Variants in ZNF280D observed in about 807,000 individuals in gnomAD.
ZNF280D encodes suppressor of hairy wing homolog 4.
A neutral mutation model predicts 94.7 loss-of-function variants in ZNF280D; 39 were observed. The observed-to-expected ratio is 0.41, with a 90% CI of 0.32 to 0.54. The LOEUF (loss-of-function observed/expected upper bound fraction) is 0.54, where lower values mean the gene tolerates loss of function less well. Among genes scored for constraint, ZNF280D ranks in the 20% least tolerant of loss-of-function variants. ZNF280D has a pLI of 0.22. For missense variants in ZNF280D, 1,090 were observed against 1,149.3 expected (o/e 0.95, Z 0.75); for synonymous variants, 398 against 377.6 (o/e 1.05, Z -0.63).
At chr15:56,660,352 T>C (rs1421230471) in intron 16 of ZNF280D, among the ~76,000 whole-genome samples, 1 of 152,182 alleles carries the variant, frequency 6.6e-6, no homozygotes, top group Non-Finnish European at 1.5e-5. Flanking sequence ...ATAGGGTCTT[T>C]TGATAGCCTC....
At chr15:56,695,066 TTGTGTGTG>T (rs10563061) in intron 6 of ZNF280D, among the ~76,000 whole-genome samples, 4 of 150,440 alleles carry the variant, frequency 2.7e-5, no homozygotes, top group Non-Finnish European at 5.9e-5. Context: ...TTCACTTCCT[TTGTGTGTG>T]TGTGTGTGTG....
At chr15:56,657,762 A>G (rs1359454027) in intron 17 of ZNF280D, among the ~76,000 whole-genome samples, 3 of 152,168 alleles carry the variant, frequency 2.0e-5, no homozygotes, top group African/African-American at 7.2e-5. Flanking sequence ...ACCCTCAAAC[A>G]CTGCTGGTGG....
At chr15:56,715,287 A>C (rs867547357) in intron 1 of ZNF280D, among the ~76,000 whole-genome samples, 30 of 152,258 alleles carry the variant, frequency 2.0e-4, no homozygotes, top group South Asian at 4.1e-4. Flanking sequence ...CTTTTTTTAA[A>C]AAATAAAACA....
At chr15:56,700,848 C>T (rs547410874) in intron 6 of ZNF280D, 85 bp downstream of exon 6, 5 of 1,608,288 alleles carry the variant, frequency 3.1e-6, no homozygotes, top group African/African-American at 1.3e-5. Flanking sequence ...TATGACAGTC[C>T]AGAATTGTAA....
intron 20 of ZNF280D, among the ~76,000 whole-genome samples, chr15:56,641,195 T>C (rs1191731213): frequency 1.3e-5 from 2 of 152,030 alleles, no homozygotes; most frequent in African/African-American, 4.8e-5. Context: ...TATCTCTTGC[T>C]CAAGTTTTAT....
At chr15:56,659,045 G>C (rs1240302937) in intron 16 of ZNF280D, among the ~76,000 whole-genome samples, 1 of 151,614 alleles carries the variant, frequency 6.6e-6, no homozygotes, top group African/African-American at 2.4e-5. Flanking sequence ...CTTAAGAGAT[G>C]GATCTCACTA....
Position 56,630,875 on chromosome 15 carries a change from A to T in ZNF280D, c.*623T>A, listed in dbSNP as rs1354496054. Reference sequence around the variant, plus strand: ...CAGGCTAACACTTGTATGGAGGTACAAAGATTCAAATATTCTGTTTACATG... The same window carrying T: ...CAGGCTAACACTTGTATGGAGGTACTAAGATTCAAATATTCTGTTTACATG... On this transcript the variant is annotated 3_prime_UTR_variant, in exon 22 of 22. Transcript: ENST00000267807. The T allele has an allele frequency of 6.6e-6, 1 of 152,284 alleles. No individual in the cohort carries two copies. The allele number at this position is 152,284 out of a possible 1,614,324, so 9.4% of individuals were successfully genotyped here.
At chr15:56,703,448 T>C (rs1252717899) in intron 4 of ZNF280D, among the ~76,000 whole-genome samples, 1 of 152,158 alleles carries the variant, frequency 6.6e-6, no homozygotes, top group African/African-American at 2.4e-5. Context: ...GAAGTCCCGT[T>C]TGAGACTAAC....
chr15:56,711,250 T>C (rs1486718357), intron 1 of ZNF280D, among the ~76,000 whole-genome samples: 1 of 152,230 alleles, frequency 6.6e-6, no homozygotes, highest in Non-Finnish European at 1.5e-5. Flanking sequence ...AATAGACTTA[T>C]GTCATTGGAT....
chr15:56,642,987 CT>C lies in ZNF280D; in HGVS notation c.2223del (p.Glu742LysfsTer62), dbSNP rs1158517703. On this transcript the variant is annotated frameshift_variant, in exon 20 of 22. Coordinates refer to ENST00000267807, the MANE Select transcript of ZNF280D (RefSeq NM_017661.4). LOFTEE classifies it high-confidence loss of function. Reference sequence around the variant, plus strand: ...GGTTCTTGTTCCTTTGCGGGAGCTTCTTTTTTTAATCTTGAAAACAAGATAA... The same window carrying C: ...GGTTCTTGTTCCTTTGCGGGAGCTTCTTTTTTAATCTTGAAAACAAGATAA... ...PTSEHLSELK[K>X]EAPAKEQEPV... 14 of 1,504,772 alleles carry C rather than the reference CT, an allele frequency of 9.3e-6. No homozygotes were observed. The East Asian group carries it at 1.0e-4, about 11-fold the overall frequency. The allele number at this position is 1,504,772 out of a possible 1,614,324, so 93.2% of individuals were successfully genotyped here.
At chr15:56,715,203 C>T (rs749312869) in intron 1 of ZNF280D, among the ~76,000 whole-genome samples, 1 of 152,034 alleles carries the variant, frequency 6.6e-6, no homozygotes. Flanking sequence ...TCACATTAGC[C>T]AGGGGTTAGG....
Position 56,666,414 on chromosome 15 carries a change from AG to A in ZNF280D, c.1974del (p.Tyr659MetfsTer2). 6.2e-7 allele frequency: 1 copy of A among 1,608,910 alleles called. No individual in the cohort carries two copies. Among genetic ancestry groups the A allele is most frequent in the South Asian group, 1.1e-5 (1 of 89,670 alleles). On this transcript the variant is annotated frameshift_variant, in exon 16 of 22. Transcript: ENST00000267807. LOFTEE classifies it high-confidence loss of function. ...FCRYNTSCSK[A>X]YVNHMMSFHS... Reference sequence around the variant, plus strand: ...TCTTACCTCATCATATGATTTACATAGGCTTTGCTACAGCTAGTGTTGTATC... The same window carrying A: ...TCTTACCTCATCATATGATTTACATAGCTTTGCTACAGCTAGTGTTGTATC...
chr15:56,701,513 T>C (rs1229707648), intron 4 of ZNF280D, among the ~76,000 whole-genome samples: 7 of 152,156 alleles, frequency 4.6e-5, no homozygotes. Context: ...CAAATCTGAC[T>C]ACAGGTGAGT....
intron 1 of ZNF280D, among the ~76,000 whole-genome samples, chr15:56,709,145 C>T (rs1184037036): frequency 1.3e-5 from 2 of 152,130 alleles, no homozygotes; most frequent in Admixed American, 6.5e-5. Flanking sequence ...CTACAAAGAA[C>T]TCAAACAAAT....
At chr15:56,694,078 C>A (rs1479251891) in intron 6 of ZNF280D, among the ~76,000 whole-genome samples, 1 of 151,922 alleles carries the variant, frequency 6.6e-6, no homozygotes, top group African/African-American at 2.4e-5. Flanking sequence ...GAAGTTTTAG[C>A]CCTTCCATCA....
chr15:56,699,278 T>G (rs2056921059), intron 6 of ZNF280D: 35 of 637,966 alleles, frequency 5.5e-5, no homozygotes, highest in South Asian at 7.1e-5. Context: ...TTAATAGAAA[T>G]GAGATTGGAA....
In ZNF280D at chr15:56,707,338, G is replaced by C. The variant is rs1395194265; in HGVS notation, c.-85-32C>G. ...AATAAAGATACCAACTATTAGGGTGGACTTCATTAAATTAGATGTATACAT... is the reference window on the plus strand; with the variant it reads ...AATAAAGATACCAACTATTAGGGTGCACTTCATTAAATTAGATGTATACAT... On this transcript the variant is annotated intron_variant, in intron 1 of 21. Transcript: ENST00000267807. 3 of 1,506,388 alleles carry C rather than the reference G, an allele frequency of 2.0e-6. No individual in the cohort carries two copies. In the East Asian group the frequency reaches 7.8e-5, roughly 39 times the overall value. 93.3% of individuals were successfully genotyped at this position (1,506,388 alleles called of 1,614,324 possible). A position where few individuals can be genotyped will look rare whatever the true frequency, so the allele number is the denominator to read the frequency against.
chr15:56,723,987 T>A (rs1168071751), intron 1 of ZNF280D, among the ~76,000 whole-genome samples: 1 of 152,198 alleles, frequency 6.6e-6, no homozygotes, highest in African/African-American at 2.4e-5. Flanking sequence ...CAGTATACTG[T>A]ATGTTATCAG....
At chr15:56,713,412 T>C (rs1255239530) in intron 1 of ZNF280D, among the ~76,000 whole-genome samples, 3 of 152,184 alleles carry the variant, frequency 2.0e-5, no homozygotes, top group South Asian at 2.1e-4. Flanking sequence ...CACTGGCTTA[T>C]TGGTTCAGTA....
Sources: gnomAD v4.1 joint callset for allele counts (sites outside exome capture counted in the v4.1 genomes callset) on GRCh38, gnomAD v4.1.1 for gene constraint, MANE v1.5 for transcripts, NCBI Gene and HGNC (gene_info 2026-07-23, HGNC 2026-07-21) for gene names.